Variants in BLTP3A observed in about 807,000 individuals in gnomAD.
BLTP3A encodes the protein ICBP90 binding protein 1.
the BLTP3A span, among the ~76,000 whole-genome samples, chr6:34,801,407 G>T: frequency 2.7e-4 from 41 of 152,136 alleles, 1 homozygote; most frequent in African/African-American, 9.9e-4. Context: ...AGGAGCTGGG[G>T]AGAGGGGGGA....
chr6:34,841,152 A>T, the BLTP3A span, among the ~76,000 whole-genome samples: 1 of 151,120 alleles, frequency 6.6e-6, no homozygotes, highest in African/African-American at 2.4e-5. Context: ...TTTTTATTTT[A>T]ATTTTATTAT....
At chr6:34,836,852 A>G in the BLTP3A span, among the ~76,000 whole-genome samples, 1 of 152,228 alleles carries the variant, frequency 6.6e-6, no homozygotes, top group Non-Finnish European at 1.5e-5. Context: ...ACTTAGAACA[A>G]CTGCCATTAT....
At chr6:34,836,157 T>G in the BLTP3A span, 1 of 1,613,956 alleles carries the variant, frequency 6.2e-7, no homozygotes, top group Non-Finnish European at 8.5e-7. Context: ...CACATGTAGA[T>G]CACTCCACCA....
At chr6:34,835,312 A>G in the BLTP3A span, 1 of 1,614,082 alleles carries the variant, frequency 6.2e-7, no homozygotes, top group South Asian at 1.1e-5. Flanking sequence ...TTGCAATGTG[A>G]TATCCTCCAA....
At chr6:34,830,612 A>G in the BLTP3A span, among the ~76,000 whole-genome samples, 5 of 152,000 alleles carry the variant, frequency 3.3e-5, no homozygotes, top group African/African-American at 7.2e-5. Flanking sequence ...AAAAACCCAC[A>G]AAGCCATACA....
At chr6:34,834,495 T>C in the BLTP3A span, 1 of 1,529,746 alleles carries the variant, frequency 6.5e-7, no homozygotes, top group Non-Finnish European at 8.9e-7. Context: ...ATTTTGTGGA[T>C]TTCCTCAAAT....
chr6:34,848,209 G>A, the BLTP3A span, among the ~76,000 whole-genome samples: 12 of 151,024 alleles, frequency 7.9e-5, no homozygotes, highest in South Asian at 2.1e-4. Context: ...GCTTGAGCCC[G>A]GGAGATAGAG....
the BLTP3A span, among the ~76,000 whole-genome samples, chr6:34,838,629 C>T: frequency 1.3e-5 from 2 of 152,174 alleles, no homozygotes; most frequent in African/African-American, 4.8e-5. Flanking sequence ...CTTCTTTTCC[C>T]TCAGTTATCC....
At chr6:34,865,743 T>C in the BLTP3A span, among the ~76,000 whole-genome samples, 2 of 152,354 alleles carry the variant, frequency 1.3e-5, no homozygotes, top group South Asian at 2.1e-4. Context: ...TGAGTTAATA[T>C]TTCACTGTGG....
the BLTP3A span, among the ~76,000 whole-genome samples, chr6:34,842,501 T>C: frequency 1.1e-4 from 16 of 152,274 alleles, no homozygotes; most frequent in East Asian, 2.5e-3. Context: ...AAAATTGGTT[T>C]CGGGGGTGCA....
the BLTP3A span, among the ~76,000 whole-genome samples, chr6:34,854,184 C>G: frequency 6.6e-6 from 1 of 151,566 alleles, no homozygotes; most frequent in Non-Finnish European, 1.5e-5. Flanking sequence ...TTAGTGCCAC[C>G]GCACTCCAGC....
chr6:34,852,642 G>C, the BLTP3A span, among the ~76,000 whole-genome samples: 5 of 151,778 alleles, frequency 3.3e-5, no homozygotes, highest in African/African-American at 1.2e-4. Flanking sequence ...GTTGGGGGAG[G>C]GGTGATGCAA....
the BLTP3A span, among the ~76,000 whole-genome samples, chr6:34,823,081 T>G: frequency 6.6e-6 from 1 of 152,320 alleles, no homozygotes; most frequent in African/African-American, 2.4e-5. Context: ...AGGACTCTCC[T>G]TGCATTTTAG....
chr6:34,815,872 T>G, the BLTP3A span, among the ~76,000 whole-genome samples: 1 of 152,216 alleles, frequency 6.6e-6, no homozygotes, highest in Non-Finnish European at 1.5e-5. Context: ...GGTCTCAAAC[T>G]CCTGGCCTCA....
the BLTP3A span, chr6:34,870,807 A>T: frequency 6.3e-7 from 1 of 1,597,458 alleles, no homozygotes; most frequent in Non-Finnish European, 8.5e-7. Context: ...TGCCTAGAAG[A>T]CTCCCTGGCC....
chr6:34,810,653 A>G, the BLTP3A span, among the ~76,000 whole-genome samples: 2 of 152,044 alleles, frequency 1.3e-5, no homozygotes, highest in African/African-American at 2.4e-5. Context: ...GTTTTTTTGT[A>G]GAGATGGGTC....
chr6:34,854,381 AAGTT>A, the BLTP3A span, among the ~76,000 whole-genome samples: 7 of 152,098 alleles, frequency 4.6e-5, no homozygotes, highest in South Asian at 2.1e-4. Context: ...ATAAAACTAA[AAGTT>A]AGCAAATATA....
chr6:34,809,291 G>A, the BLTP3A span, among the ~76,000 whole-genome samples: 13 of 152,244 alleles, frequency 8.5e-5, no homozygotes, highest in African/African-American at 3.1e-4. Context: ...TACTCAGGAG[G>A]CTGAGGCAGG....
chr6:34,821,561 TTC>T, the BLTP3A span: 1 of 1,246,916 alleles, frequency 8.0e-7, no homozygotes, highest in South Asian at 1.6e-5. Flanking sequence ...CTTTAATTTT[TTC>T]TTTTCTCTAG....
Sources: allele counts gnomAD v4.1 joint callset (sites outside exome capture counted in the v4.1 genomes callset), GRCh38; gene constraint gnomAD v4.1.1; transcripts MANE v1.5; gene names NCBI Gene and HGNC (gene_info 2026-07-23, HGNC 2026-07-21).